Variants in SYNGR1 observed in about 807,000 individuals in gnomAD.
SYNGR1 encodes the protein synaptogyrin-1.
SYNGR1 carries 14 observed loss-of-function variants against 26.1 expected under a neutral mutation model. That is an observed-to-expected ratio of 0.54 (90% CI 0.35 to 0.84). SYNGR1 has a LOEUF of 0.84. SYNGR1 is among the 40% of genes least tolerant of loss of function. The probability of loss-of-function intolerance (pLI) is 0.01; values close to 1 mark genes in which losing one functional copy is unlikely to be tolerated. For synonymous variants in SYNGR1, 141 were observed against 150.1 expected (o/e 0.94, Z 0.44); for missense variants, 319 against 332.9 (o/e 0.96, Z 0.33).
At chr22:39,353,102 T>TC (rs1483471312) in intron 1 of SYNGR1, among the ~76,000 whole-genome samples, 1 of 152,162 alleles carries the variant, frequency 6.6e-6, no homozygotes, top group African/African-American at 2.4e-5. Flanking sequence ...CCTCAGGTGA[T>TC]CCACCTGCCT....
At chr22:39,359,570 G>A (rs1924364145) in intron 1 of SYNGR1, among the ~76,000 whole-genome samples, 1 of 149,064 alleles carries the variant, frequency 6.7e-6, no homozygotes, top group African/African-American at 2.5e-5. Context: ...GGCGGAGCTT[G>A]CAGTAAGCCA....
intron 1 of SYNGR1, among the ~76,000 whole-genome samples, chr22:39,359,755 G>A (rs115698459): frequency 0.013 from 2,003 of 151,620 alleles, 48 homozygotes; most frequent in African/African-American, 0.047. Context: ...TTCCACACCT[G>A]GCCTCCTCTT....
At chr22:39,371,489 A>G (rs1239394503) in intron 1 of SYNGR1, among the ~76,000 whole-genome samples, 5 of 150,168 alleles carry the variant, frequency 3.3e-5, no homozygotes, top group African/African-American at 9.8e-5. Context: ...AAAAAAAAAA[A>G]AAAGAAATTA....
Position 39,374,378 on chromosome 22 carries a change from G to C in SYNGR1, c.162G>C (p.Glu54Asp), listed in dbSNP as rs745901428. 34 of 1,613,962 alleles carry C rather than the reference G, an allele frequency of 2.1e-5. No homozygotes were observed. The highest frequency in any genetic ancestry group is 2.6e-5 in the Non-Finnish European group (31 of 1,180,042). Residue 54 changes from glutamate to aspartate, a missense_variant, in exon 2 of 4, where the codon GAG becomes GAC. Physicochemically the swap from Glu to Asp is conservative, Grantham distance 45. Coordinates refer to ENST00000328933, the MANE Select transcript of SYNGR1 (RefSeq NM_004711.5). Reference sequence around the variant, plus strand: ...AGGGCTACCTCAACAGCGCCTCCGAGGGGGAGGAGTTCTGCATCTACAACC... The same window carrying C: ...AGGGCTACCTCAACAGCGCCTCCGACGGGGAGGAGTTCTGCATCTACAACC... ...VNEGYLNSASEGEEFCIYNRN... is the reference protein window; with the variant it reads ...VNEGYLNSASDGEEFCIYNRN...
chr22:39,377,785 G>A, intron 3 of SYNGR1: 4 of 1,549,858 alleles, frequency 2.6e-6, no homozygotes, highest in Admixed American at 1.9e-5. Context: ...AGATGCCAGG[G>A]CATGCAGGGC....
intron 1 of SYNGR1, among the ~76,000 whole-genome samples, chr22:39,361,652 G>A (rs1341261882): frequency 1.3e-5 from 2 of 151,910 alleles, no homozygotes; most frequent in Non-Finnish European, 2.9e-5. Context: ...GAGCCATCAC[G>A]CCCGGCCAAT....
chr22:39,351,677 G>A (rs907733637), intron 1 of SYNGR1, among the ~76,000 whole-genome samples: 1 of 152,242 alleles, frequency 6.6e-6, no homozygotes, highest in Non-Finnish European at 1.5e-5. Flanking sequence ...TGTCTGCTTG[G>A]GTCATTTCTG....
chr22:39,374,705 G>A (rs1925195633), intron 2 of SYNGR1, 152 bp downstream of exon 2: 2 of 835,202 alleles, frequency 2.4e-6, no homozygotes, highest in Admixed American at 2.1e-5. Context: ...ATGGCTGGCA[G>A]CAGGAAGGAT....
intron 1 of SYNGR1, among the ~76,000 whole-genome samples, chr22:39,372,326 T>G (rs1925063105): frequency 6.6e-6 from 1 of 151,496 alleles, no homozygotes; most frequent in African/African-American, 2.4e-5. Context: ...AGAGACAGGA[T>G]TTCACCATGT....
rs1569185530 is a variant in SYNGR1, at chr22:39,384,797, G to A, written c.*2883G>A. 2.5e-6 allele frequency: 1 copy of A among 399,032 alleles called. No homozygotes were observed. Among genetic ancestry groups the A allele is most frequent in the African/African-American group, 2.1e-5 (1 of 48,614 alleles). The allele number at this position is 399,032 out of a possible 1,614,324, so 24.7% of individuals were successfully genotyped here. A position where few individuals can be genotyped will look rare whatever the true frequency, so the allele number is the denominator to read the frequency against. ...GCCCAGGAAAAAAGGTTTCACATAA[G>A]TGTAGAGTCGCAAGGACGCTTAGAG... On this transcript the variant is annotated 3_prime_UTR_variant, in exon 4 of 4. Transcript: ENST00000328933.
Position 39,374,441 on chromosome 22 carries a change from C to T in SYNGR1, c.225C>T (p.Gly75=), listed in dbSNP as rs149257898. The T allele has an allele frequency of 2.5e-4, 406 of 1,613,884 alleles. No individual in the cohort carries two copies. The highest frequency in any genetic ancestry group is 2.9e-4 in the Non-Finnish European group (344 of 1,180,050). Residue 75 remains glycine (G), a synonymous_variant, in exon 2 of 4, where the codon GGC becomes GGT. Transcript: ENST00000328933. ...CCTGCAGCTATGGCGTGGCCGTGGG[C>T]GTGCTCGCCTTCCTCACCTGCCTGC... ...PNACSYGVAV[G]VLAFLTCLLY...
chr22:39,357,670 G>A (rs1254151519), intron 1 of SYNGR1, among the ~76,000 whole-genome samples: 2 of 15,080 alleles, frequency 1.3e-4, no homozygotes, highest in Non-Finnish European at 3.0e-4. Context: ...CCGGGCGTGG[G>A]CTTGGCGGGC....
At chr22:39,368,114 C>T (rs1924853841) in intron 1 of SYNGR1, among the ~76,000 whole-genome samples, 1 of 152,222 alleles carries the variant, frequency 6.6e-6, no homozygotes, top group Non-Finnish European at 1.5e-5. Flanking sequence ...TGCCAGGGAC[C>T]GCCATTGCCT....
chr22:39,359,688 C>T (rs1924375786), intron 1 of SYNGR1, among the ~76,000 whole-genome samples: 2 of 151,170 alleles, frequency 1.3e-5, no homozygotes, highest in South Asian at 2.1e-4. Context: ...TGTCAGTCCT[C>T]TCCAGCACTG....
intron 1 of SYNGR1, chr22:39,364,240 A>T: frequency 6.2e-7 from 1 of 1,613,988 alleles, no homozygotes; most frequent in Non-Finnish European, 8.5e-7. Context: ...TCCTTCATGG[A>T]TAGGCAGCTG....
rs35429467 is a variant in SYNGR1, at chr22:39,374,495, G to A, written c.279G>A (p.Pro93=). 996 of 1,613,782 alleles carry A rather than the reference G, an allele frequency of 6.2e-4. 7 individuals carry two copies. The African/African-American group carries it at 7.4e-3, about 12-fold the overall frequency. Residue 93 remains proline (P), a synonymous_variant, in exon 2 of 4, where the codon CCG becomes CCA. Transcript: ENST00000328933. ...ACCTGGCCCTGGACGTGTACTTCCC[G>A]CAGATCAGCAGCGTCAAGGACCGCA... ...LLYLALDVYF[P]QISSVKDRKK... is the part of the protein sequence containing the mutation.
chr22:39,359,317 C>T (rs866007043), intron 1 of SYNGR1, among the ~76,000 whole-genome samples: 17 of 152,144 alleles, frequency 1.1e-4, no homozygotes, highest in Middle Eastern at 3.4e-3. Flanking sequence ...CCACTTTGCC[C>T]GTTCTTCAAA....
At chr22:39,362,570 C>T (rs554602158) in intron 1 of SYNGR1, among the ~76,000 whole-genome samples, 28 of 152,270 alleles carry the variant, frequency 1.8e-4, no homozygotes, top group African/African-American at 6.7e-4. Context: ...AAGACAAGGC[C>T]CTGTTCCTGT....
At chr22:39,377,086 C>G (rs1015083988) in intron 3 of SYNGR1, 1 of 1,550,012 alleles carries the variant, frequency 6.5e-7, no homozygotes, top group Non-Finnish European at 8.7e-7. Flanking sequence ...TGCCTCCCCT[C>G]TGGACCGGCG....
Sources: allele counts gnomAD v4.1 joint callset (sites outside exome capture counted in the v4.1 genomes callset), GRCh38; gene constraint gnomAD v4.1.1; transcripts MANE v1.5; gene names NCBI Gene and HGNC (gene_info 2026-07-23, HGNC 2026-07-21).